LRP1B: variants seen among roughly 807,000 people sequenced by gnomAD.
LRP1B encodes LDL receptor related protein 1B.
A neutral mutation model predicts 556.6 loss-of-function variants in LRP1B; 217 were observed. That is an observed-to-expected ratio of 0.39 (90% CI 0.35 to 0.44). The LOEUF (loss-of-function observed/expected upper bound fraction) is 0.44. Among genes scored for constraint, LRP1B ranks in the 20% least tolerant of loss-of-function variants. The pLI is 1.00. For missense variants in LRP1B, 5,053 were observed against 5,620.8 expected (o/e 0.90, Z 3.23); for synonymous variants, 2,047 against 1,865.8 (o/e 1.10, Z -2.50).
intron 3 of LRP1B, among the ~76,000 whole-genome samples, chr2:141,467,144 A>G (rs1256616810): frequency 2.9e-5 from 3 of 103,536 alleles, no homozygotes; most frequent in African/African-American, 1.1e-4. Flanking sequence ...ATATATATAT[A>G]TATATATCCT....
At chr2:140,509,816 C>T in intron 52 of LRP1B, 112 bp downstream of exon 52, 1 of 1,447,068 alleles carries the variant, frequency 6.9e-7, no homozygotes, top group Non-Finnish European at 9.3e-7. Flanking sequence ...ACCTATGGGC[C>T]CAGGAACTAG....
intron 71 of LRP1B, among the ~76,000 whole-genome samples, chr2:140,366,473 G>C (rs911989854): frequency 1.3e-5 from 2 of 151,684 alleles, no homozygotes; most frequent in South Asian, 2.1e-4. Context: ...ATATAGGATA[G>C]GTTTTTGAGC....
chr2:140,918,551 T>C (rs1694647683), intron 21 of LRP1B, among the ~76,000 whole-genome samples: 1 of 152,124 alleles, frequency 6.6e-6, no homozygotes, highest in African/African-American at 2.4e-5. Context: ...CTGCTTCCTG[T>C]ACTCTCACCA....
At chr2:140,842,112 A>G (rs1295098888) in intron 29 of LRP1B, among the ~76,000 whole-genome samples, 4 of 152,222 alleles carry the variant, frequency 2.6e-5, no homozygotes, top group East Asian at 3.8e-4. Flanking sequence ...GGTGATTCCA[A>G]TCAAAACTTC....
chr2:141,050,506 A>G (rs1003517125), intron 10 of LRP1B, among the ~76,000 whole-genome samples: 1 of 151,944 alleles, frequency 6.6e-6, no homozygotes, highest in Non-Finnish European at 1.5e-5. Flanking sequence ...CTTGCCCTTC[A>G]TCCCTGACAG....
intron 5 of LRP1B, among the ~76,000 whole-genome samples, chr2:141,245,291 A>G (rs2105323414): frequency 6.6e-6 from 1 of 152,330 alleles, no homozygotes; most frequent in Non-Finnish European, 1.5e-5. Flanking sequence ...GAAGTAAAAG[A>G]GTGTTTAGCT....
intron 4 of LRP1B, among the ~76,000 whole-genome samples, chr2:141,248,670 G>C (rs1290394532): frequency 4.6e-5 from 7 of 152,146 alleles, no homozygotes; most frequent in Non-Finnish European, 1.0e-4. Context: ...AGATAATGAA[G>C]ATATTTGTAT....
chr2:140,777,212 C>A (rs1234436413), intron 32 of LRP1B, among the ~76,000 whole-genome samples: 1 of 152,170 alleles, frequency 6.6e-6, no homozygotes, highest in African/African-American at 2.4e-5. Context: ...GGTTATTTAA[C>A]TCTATTTGGG....
At chr2:141,929,132 G>C (rs1157911429) in intron 1 of LRP1B, among the ~76,000 whole-genome samples, 1 of 151,998 alleles carries the variant, frequency 6.6e-6, no homozygotes, top group African/African-American at 2.4e-5. Context: ...AAGATTTAAA[G>C]GTAAGGATAA....
At chr2:140,825,106 G>A (rs905483667) in intron 31 of LRP1B, among the ~76,000 whole-genome samples, 1 of 152,108 alleles carries the variant, frequency 6.6e-6, no homozygotes, top group Non-Finnish European at 1.5e-5. Context: ...TCCTAAAAGT[G>A]TCTGTTTTAG....
chr2:140,598,223 A>G lies in LRP1B; in HGVS notation c.7194+408T>C, dbSNP rs533076669. ...CAGAGCTTCTTAGGTTGCTTTAAGG[A>G]CACAAACACAGAGGATCATTTCATT... On this transcript the variant is annotated intron_variant, in intron 43 of 90. Transcript: ENST00000389484. 3.3e-5 allele frequency among the ~76,000 whole-genome samples: 5 copies of G among 152,330 alleles called. No individual in the cohort carries two copies. The South Asian group carries it at 1.0e-3, about 32-fold the overall frequency.
chr2:140,345,365 T>C (rs1412077378), intron 77 of LRP1B, among the ~76,000 whole-genome samples: 2 of 151,780 alleles, frequency 1.3e-5, no homozygotes, highest in Non-Finnish European at 2.9e-5. Flanking sequence ...ACTAAAATTA[T>C]GACCCTGATC....
intron 1 of LRP1B, among the ~76,000 whole-genome samples, chr2:142,006,091 C>T (rs1268134131): frequency 6.6e-6 from 1 of 151,968 alleles, no homozygotes; most frequent in African/African-American, 2.4e-5. Context: ...TCTCTCTTTT[C>T]CTGTCTAAAT....
intron 1 of LRP1B, among the ~76,000 whole-genome samples, chr2:141,925,536 G>C (rs1167559786): frequency 1.3e-5 from 2 of 152,170 alleles, no homozygotes; most frequent in Non-Finnish European, 2.9e-5. Flanking sequence ...AAAGAAGATT[G>C]TTACAATTTG....
At chr2:141,784,927 C>T (rs151271715) in intron 2 of LRP1B, among the ~76,000 whole-genome samples, 1 of 152,010 alleles carries the variant, frequency 6.6e-6, no homozygotes, top group Admixed American at 6.6e-5. Context: ...TTTGGAGATA[C>T]ATGCAGATAG....
intron 82 of LRP1B, among the ~76,000 whole-genome samples, chr2:140,320,721 C>A (rs565762412): frequency 1.3e-5 from 2 of 152,024 alleles, no homozygotes; most frequent in African/African-American, 2.4e-5. Context: ...AGCCACCACG[C>A]CTGGCAAGAA....
chr2:140,390,641 T>G (rs1441637143), intron 66 of LRP1B, among the ~76,000 whole-genome samples: 1 of 152,056 alleles, frequency 6.6e-6, no homozygotes, highest in Non-Finnish European at 1.5e-5. Flanking sequence ...ACCAACTGAA[T>G]AGATGAGGGA....
At chr2:140,891,282 G>T (rs920634502) in intron 23 of LRP1B, among the ~76,000 whole-genome samples, 2 of 152,056 alleles carry the variant, frequency 1.3e-5, no homozygotes, top group Non-Finnish European at 2.9e-5. Flanking sequence ...TCCCACTACA[G>T]ATTTGCAGAA....
intron 41 of LRP1B, among the ~76,000 whole-genome samples, chr2:140,686,192 A>G (rs1465653962): frequency 6.6e-6 from 1 of 152,102 alleles, no homozygotes; most frequent in African/African-American, 2.4e-5. Context: ...TAGTAGGGAG[A>G]TTTGTGGTGA....
Sources: gnomAD v4.1 joint callset for allele counts (sites outside exome capture counted in the v4.1 genomes callset) on GRCh38, gnomAD v4.1.1 for gene constraint, MANE v1.5 for transcripts, NCBI Gene and HGNC (gene_info 2026-07-23, HGNC 2026-07-21) for gene names.